Variants in FRAS1 observed in about 807,000 individuals in gnomAD.
The protein encoded by FRAS1 is Fraser extracellular matrix complex subunit 1, also known as extracellular matrix organizing protein FRAS1.
Under a neutral mutation model 435.2 loss-of-function variants are expected in FRAS1, and 290 were observed. That is an observed-to-expected ratio of 0.67 (90% CI 0.61 to 0.73). The LOEUF is 0.73. Ranked by LOEUF, FRAS1 falls within the 30% of genes least tolerant of loss-of-function variation. The pLI is 0.00. For synonymous variants in FRAS1, 1,800 were observed against 1,851.0 expected (o/e 0.97, Z 0.71); for missense variants, 4,860 against 5,001.5 (o/e 0.97, Z 0.85).
chr4:78,213,018 C>G (rs537888973), intron 2 of FRAS1, among the ~76,000 whole-genome samples: 2 of 152,166 alleles, frequency 1.3e-5, no homozygotes, highest in Non-Finnish European at 2.9e-5. Flanking sequence ...GGGTTTTGCA[C>G]CTCCTTATGG....
In FRAS1 at chr4:78,379,902, G is replaced by A. The variant is rs893760311; in HGVS notation, c.3469G>A (p.Gly1157Arg). 2.5e-6 allele frequency: 4 copies of A among 1,613,752 alleles called. No individual in the cohort carries two copies. Among genetic ancestry groups the A allele is most frequent in the Non-Finnish European group, 3.4e-6 (4 of 1,179,846 alleles). ...TGGTCAGCTAGTGCTCTCAAGAAAT[G>A]GAAAAGAGGTTCAGCTGGACAAGGC... Reference protein sequence around the residue: ...TNGQLVLSRNGKEVQLDKAGR... With the variant: ...TNGQLVLSRNRKEVQLDKAGR... The change falls in exon 27 of 74, where the codon GGA becomes AGA. Residue 1157 changes from glycine to arginine, a missense_variant. Physicochemically the swap from Gly to Arg is moderately radical, Grantham distance 125 (BLOSUM62 -2). Transcript: ENST00000512123.
At chr4:78,334,367 T>C (rs1025183208) in intron 19 of FRAS1, among the ~76,000 whole-genome samples, 3 of 95,912 alleles carry the variant, frequency 3.1e-5, no homozygotes, top group South Asian at 3.1e-4. Context: ...AATTTTCTTT[T>C]TTTTTTTTTT....
chr4:78,335,552 C>G (rs1560663957), intron 19 of FRAS1, among the ~76,000 whole-genome samples: 2 of 152,156 alleles, frequency 1.3e-5, no homozygotes, highest in Admixed American at 1.3e-4. Context: ...ACAGAATACA[C>G]CTCTCAGTGG....
chr4:78,415,522 C>T (rs1234485394), intron 32 of FRAS1, among the ~76,000 whole-genome samples: 1 of 152,092 alleles, frequency 6.6e-6, no homozygotes, highest in Non-Finnish European at 1.5e-5. Context: ...CCCAGATCAC[C>T]ACACTTGAAG....
intron 2 of FRAS1, among the ~76,000 whole-genome samples, chr4:78,160,376 A>G (rs570561337): frequency 6.6e-5 from 10 of 152,346 alleles, no homozygotes; most frequent in African/African-American, 1.9e-4. Flanking sequence ...TATTGCCAAC[A>G]TATCAAATAT....
At chr4:78,464,229 A>G in intron 48 of FRAS1, 84 bp downstream of exon 48, 1 of 1,491,934 alleles carries the variant, frequency 6.7e-7, no homozygotes, top group Non-Finnish European at 9.0e-7. Context: ...GTGACTGGTG[A>G]GAGAAGAGCT....
chr4:78,427,798 G>T (rs572671780), intron 35 of FRAS1, among the ~76,000 whole-genome samples: 2 of 152,274 alleles, frequency 1.3e-5, no homozygotes, highest in East Asian at 3.9e-4. Flanking sequence ...ATATCTTTCA[G>T]ATCTGTCTCA....
chr4:78,131,633 AGAT>A lies in FRAS1; in HGVS notation c.108+65621_108+65623del, dbSNP rs144151144. The stretch of plus-strand genomic sequence containing the variant: ...CTCAATTTGTGCCACTTGGAGAAGA[AGAT>A]GATATGTTAGTGTTAGGAGGGTGTG... On this transcript the variant is annotated intron_variant, in intron 2 of 73. Transcript: ENST00000512123. 5.0e-3 allele frequency among the ~76,000 whole-genome samples: 768 copies of A among 152,314 alleles called. 6 individuals carry two copies. Among genetic ancestry groups the A allele is most frequent in the African/African-American group, 0.017 (727 of 41,568 alleles).
intron 49 of FRAS1, among the ~76,000 whole-genome samples, chr4:78,465,038 C>T (rs1034568896): frequency 6.6e-6 from 1 of 152,198 alleles, no homozygotes; most frequent in Admixed American, 6.5e-5. Flanking sequence ...AGGCTTTGTG[C>T]AGTAAAACAG....
intron 61 of FRAS1, among the ~76,000 whole-genome samples, chr4:78,505,970 C>T (rs1298982144): frequency 6.6e-6 from 1 of 152,198 alleles, no homozygotes; most frequent in Non-Finnish European, 1.5e-5. Context: ...TGTTAGTTTT[C>T]CTTCTAATAG....
chr4:78,194,299 C>T (rs1175655766), intron 2 of FRAS1, among the ~76,000 whole-genome samples: 2 of 152,106 alleles, frequency 1.3e-5, no homozygotes, highest in Admixed American at 1.3e-4. Context: ...TCTATATTTC[C>T]TGAATGTGAA....
At chr4:78,531,473 G>C (rs1721713434) in intron 70 of FRAS1, among the ~76,000 whole-genome samples, 1 of 152,088 alleles carries the variant, frequency 6.6e-6, no homozygotes, top group African/African-American at 2.4e-5. Context: ...ATTGGCTATG[G>C]GTTTGTCATA....
intron 2 of FRAS1, among the ~76,000 whole-genome samples, 175 bp downstream of exon 2, chr4:78,066,191 G>A (rs575446296): frequency 6.6e-6 from 1 of 152,266 alleles, no homozygotes; most frequent in South Asian, 2.1e-4. Context: ...ACCTTTTCCA[G>A]AGTGAATTAG....
chr4:78,178,508 A>G lies in FRAS1; in HGVS notation c.109-59002A>G, dbSNP rs1037634189. Among the ~76,000 whole-genome samples the G allele has an allele frequency of 6.6e-5, 10 of 152,354 alleles. No homozygotes were observed. In the East Asian group the frequency reaches 1.2e-3, roughly 18 times the overall value. Reference sequence around the variant, plus strand: ...AACCAGGGTATAACCAACAAGTATTAATTTGGTGGGCATCAACATAAAAAT... The same window carrying G: ...AACCAGGGTATAACCAACAAGTATTGATTTGGTGGGCATCAACATAAAAAT... On this transcript the variant is annotated intron_variant, in intron 2 of 73. Coordinates refer to ENST00000512123, the MANE Select transcript of FRAS1 (RefSeq NM_025074.7).
chr4:78,513,288 G>A, intron 64 of FRAS1, 104 bp from the exon 65 acceptor site: 2 of 1,129,368 alleles, frequency 1.8e-6, no homozygotes, highest in Non-Finnish European at 2.6e-6. Flanking sequence ...AAAAAAAAAT[G>A]GTAGCTCATT....
At chr4:78,522,905 T>A in intron 69 of FRAS1, 97 bp downstream of exon 69, 1 of 1,118,234 alleles carries the variant, frequency 8.9e-7, no homozygotes, top group Non-Finnish European at 1.2e-6. Flanking sequence ...AAGGCTAGAC[T>A]TTTATTTTAA....
chr4:78,336,838 C>T (rs78967093), intron 19 of FRAS1, among the ~76,000 whole-genome samples: 9,039 of 152,284 alleles, frequency 0.059, 370 homozygotes, highest in Non-Finnish European at 0.086. Context: ...CCTCCTTGTC[C>T]TTGGCAGAGA....
At position 78,301,573 on chromosome 4, in the gene FRAS1, A is replaced by T. The variant is rs369696253; in HGVS notation, c.1535-6493A>T. On this transcript the variant is annotated intron_variant, in intron 14 of 73. Coordinates refer to ENST00000512123, the MANE Select transcript of FRAS1 (RefSeq NM_025074.7). Reference sequence around the variant, plus strand: ...ATGTCAAGTAGGACTGGGTCCTCAGAAGGTTGAATCTGGGACTAGAGTCCA... The same window carrying T: ...ATGTCAAGTAGGACTGGGTCCTCAGTAGGTTGAATCTGGGACTAGAGTCCA... Among the ~76,000 whole-genome samples the T allele has an allele frequency of 1.6e-3, 249 of 152,256 alleles. 2 individuals carry two copies. Among genetic ancestry groups the T allele is most frequent in the African/African-American group, 5.8e-3 (239 of 41,548 alleles).
At chr4:78,538,477 G>A (rs936388669) in intron 72 of FRAS1, among the ~76,000 whole-genome samples, 5 of 152,176 alleles carry the variant, frequency 3.3e-5, no homozygotes, top group African/African-American at 1.2e-4. Context: ...GTATTAGTCT[G>A]TTCTCATGTT....
Sources: allele counts gnomAD v4.1 joint callset (sites outside exome capture counted in the v4.1 genomes callset), GRCh38; gene constraint gnomAD v4.1.1; transcripts MANE v1.5; gene names NCBI Gene and HGNC (gene_info 2026-07-23, HGNC 2026-07-21).